PTPRN2: variants seen among roughly 807,000 people sequenced by gnomAD.
The protein encoded by PTPRN2 is receptor-type tyrosine-protein phosphatase N2.
A neutral mutation model predicts 118.8 loss-of-function variants in PTPRN2; 74 were observed. That is an observed-to-expected ratio of 0.62 (90% CI 0.52 to 0.76). PTPRN2 has a LOEUF of 0.76. Ranked by LOEUF, PTPRN2 falls within the 30% of genes least tolerant of loss-of-function variation. The probability of loss-of-function intolerance (pLI) is 0.00; values close to 1 mark genes in which losing one functional copy is unlikely to be tolerated. For synonymous variants in PTPRN2, 641 were observed against 608.0 expected (o/e 1.05, Z -0.80); for missense variants, 1,481 against 1,394.4 (o/e 1.06, Z -0.99).
intron 12 of PTPRN2, among the ~76,000 whole-genome samples, chr7:157,772,965 G>A (rs764050993): frequency 1.3e-4 from 20 of 152,140 alleles, no homozygotes; most frequent in Admixed American, 4.6e-4. Context: ...CTGGGTACTG[G>A]CGGGGTCTTC....
rs1388459921 is a variant in PTPRN2 at position 157,603,539 on chromosome 7, C to G, written c.2418+463G>C. ...CGGTCTCTTTCATAAGAAACAGGGT[C>G]CCATTCACTGGAAATACTTCAGGAA... On this transcript the variant is annotated intron_variant, in intron 16 of 22. Coordinates refer to ENST00000389418, the MANE Select transcript of PTPRN2 (RefSeq NM_002847.5). The surrounding 1 kb of genome is among the most constrained non-coding windows in gnomAD (Gnocchi z 5.4). 2.6e-5 allele frequency among the ~76,000 whole-genome samples: 4 copies of G among 152,176 alleles called. No homozygotes were observed. The highest frequency in any genetic ancestry group is 5.9e-5 in the Non-Finnish European group (4 of 68,030).
chr7:157,891,754 G>C (rs1485646812), intron 12 of PTPRN2, among the ~76,000 whole-genome samples: 1 of 152,186 alleles, frequency 6.6e-6, no homozygotes, highest in African/African-American at 2.4e-5. Context: ...ACCTTGCTGA[G>C]CCGGAGTGTG....
intron 2 of PTPRN2, among the ~76,000 whole-genome samples, chr7:158,417,926 C>T (rs1003528991): frequency 6.7e-6 from 1 of 149,694 alleles, no homozygotes; most frequent in African/African-American, 2.5e-5. Context: ...CTCTCCGTGT[C>T]CCACTGTGTT....
At chr7:158,037,039 C>A (rs1290833357) in intron 11 of PTPRN2, among the ~76,000 whole-genome samples, 2 of 152,192 alleles carry the variant, frequency 1.3e-5, no homozygotes, top group Non-Finnish European at 2.9e-5. Flanking sequence ...TTCAAAGATA[C>A]AGGTCACAAG....
At chr7:157,973,899 G>A (rs183018388) in intron 11 of PTPRN2, among the ~76,000 whole-genome samples, 360 of 152,288 alleles carry the variant, frequency 2.4e-3, no homozygotes, top group Admixed American at 4.1e-3. Flanking sequence ...GTGGCCTCTC[G>A]CGCTGTCCTC....
At chr7:157,756,067 C>A (rs1801761005) in intron 12 of PTPRN2, among the ~76,000 whole-genome samples, 1 of 151,960 alleles carries the variant, frequency 6.6e-6, no homozygotes, top group South Asian at 2.1e-4. Flanking sequence ...TACCACTGCA[C>A]AAAAATAGTT....
intron 12 of PTPRN2, among the ~76,000 whole-genome samples, chr7:157,830,786 A>G (rs755543490): frequency 5.3e-5 from 8 of 152,256 alleles, no homozygotes; most frequent in Non-Finnish European, 1.0e-4. Context: ...ATGTCACAAC[A>G]AAACACAGCA....
intron 11 of PTPRN2, among the ~76,000 whole-genome samples, chr7:157,924,335 G>A (rs1225301972): frequency 6.6e-6 from 1 of 152,216 alleles, no homozygotes; most frequent in East Asian, 1.9e-4. Context: ...GCTCAAAGCT[G>A]AGGACGCCCC....
intron 3 of PTPRN2, among the ~76,000 whole-genome samples, chr7:158,255,355 T>A (rs1272599311): frequency 2.0e-5 from 3 of 152,142 alleles, no homozygotes; most frequent in African/African-American, 4.8e-5. Context: ...TGGAAGAAAG[T>A]AGGCCCAGGG....
At chr7:158,359,593 T>C (rs970111613) in intron 2 of PTPRN2, among the ~76,000 whole-genome samples, 3 of 152,138 alleles carry the variant, frequency 2.0e-5, no homozygotes, top group Admixed American at 6.5e-5. Flanking sequence ...TTTTCAAAGA[T>C]TAAACATAAT....
chr7:157,805,429 C>T (rs886762425), intron 12 of PTPRN2, among the ~76,000 whole-genome samples: 6 of 152,068 alleles, frequency 3.9e-5, no homozygotes, highest in African/African-American at 1.2e-4. Flanking sequence ...GTTCAAAGCA[C>T]ATTTTTCTTA....
intron 5 of PTPRN2, among the ~76,000 whole-genome samples, chr7:158,180,207 T>C (rs909977224): frequency 3.9e-5 from 6 of 152,268 alleles, no homozygotes; most frequent in Non-Finnish European, 7.3e-5. Context: ...TATCCAGTTT[T>C]ACCAAAACCA....
At position 157,987,544 on chromosome 7, in the gene PTPRN2, C is replaced by T. The variant is rs1803898900; in HGVS notation, c.1724-88807G>A. 6.6e-6 allele frequency among the ~76,000 whole-genome samples: 1 copy of T among 152,120 alleles called. No homozygotes were observed. The highest frequency in any genetic ancestry group is 3.2e-3 in the Middle Eastern group (1 of 316). On this transcript the variant is annotated intron_variant, in intron 11 of 22. Coordinates refer to ENST00000389418, the MANE Select transcript of PTPRN2 (RefSeq NM_002847.5). The surrounding 1 kb of genome is among the most constrained non-coding windows in gnomAD (Gnocchi z 4.3). ...AGACTTCCCAGGGGCAGAGCAGACCCGGTGGACAGCAGGAGCTGCCTGGTC... is the reference window on the plus strand; with the variant it reads ...AGACTTCCCAGGGGCAGAGCAGACCTGGTGGACAGCAGGAGCTGCCTGGTC...
chr7:157,607,785 C>T (rs553195547), intron 15 of PTPRN2, among the ~76,000 whole-genome samples: 1 of 152,292 alleles, frequency 6.6e-6, no homozygotes, highest in Admixed American at 6.5e-5. Context: ...AAAATGCTTC[C>T]CTAGCTCGGG....
chr7:158,239,253 G>A (rs1352448892), intron 3 of PTPRN2, among the ~76,000 whole-genome samples: 2 of 152,206 alleles, frequency 1.3e-5, no homozygotes, highest in Admixed American at 6.5e-5. Flanking sequence ...TTGGGGCACT[G>A]TCTCTCTGTG....
chr7:157,912,392 G>A (rs1171339026), intron 11 of PTPRN2, among the ~76,000 whole-genome samples: 1 of 152,148 alleles, frequency 6.6e-6, no homozygotes, highest in Non-Finnish European at 1.5e-5. Flanking sequence ...CTTTGTAGAA[G>A]TTCTTCAAAC....
At chr7:158,137,936 C>T (rs1442494929) in intron 7 of PTPRN2, among the ~76,000 whole-genome samples, 2 of 152,182 alleles carry the variant, frequency 1.3e-5, no homozygotes, top group African/African-American at 2.4e-5. Context: ...CCCAAGCAGA[C>T]ATTTGAATGA....
intron 3 of PTPRN2, among the ~76,000 whole-genome samples, chr7:158,279,569 T>C (rs1388900542): frequency 1.3e-5 from 2 of 152,130 alleles, no homozygotes; most frequent in African/African-American, 2.4e-5. Flanking sequence ...GGAATGGCAG[T>C]CCTCTCACGG....
At chr7:158,124,910 G>A (rs1817496983) in intron 9 of PTPRN2, among the ~76,000 whole-genome samples, 1 of 152,224 alleles carries the variant, frequency 6.6e-6, no homozygotes. Context: ...CGGCGGGTGA[G>A]AAAGAAAGAG....
Sources: gnomAD v4.1 joint callset for allele counts (sites outside exome capture counted in the v4.1 genomes callset) on GRCh38, gnomAD v4.1.1 for gene constraint, Gnocchi (gnomAD v3.1) non-coding constraint, MANE v1.5 for transcripts, NCBI Gene and HGNC (gene_info 2026-07-23, HGNC 2026-07-21) for gene names.